The following NIBAN1 variants were observed in gnomAD, a reference collection of about 807,000 sequenced individuals.
The protein encoded by NIBAN1 is niban apoptosis regulator 1.
A neutral mutation model predicts 75.1 loss-of-function variants in NIBAN1; 81 were observed. That is an observed-to-expected ratio of 1.08 (90% CI 0.90 to 1.30). NIBAN1 has a LOEUF of 1.30. Among genes scored for constraint, NIBAN1 ranks in the 50% most tolerant of loss-of-function variants. NIBAN1 has a pLI of 0.00. For synonymous variants in NIBAN1, 436 were observed against 424.8 expected (o/e 1.03, Z -0.32); for missense variants, 1,133 against 1,128.1 (o/e 1.00, Z -0.06).
intron 3 of NIBAN1, among the ~76,000 whole-genome samples, chr1:184,893,811 C>T (rs1030530187): frequency 1.3e-5 from 2 of 152,208 alleles, no homozygotes; most frequent in Admixed American, 6.5e-5. Flanking sequence ...TGCCACTAGA[C>T]GGCAAGCATC....
chr1:184,864,555 T>C (rs1391987298), intron 5 of NIBAN1, among the ~76,000 whole-genome samples: 2 of 152,108 alleles, frequency 1.3e-5, no homozygotes, highest in Non-Finnish European at 2.9e-5. Context: ...GGTGAAGAAA[T>C]GTTGTTTGGG....
At chr1:184,830,998 C>CAAA (rs34893558) in intron 6 of NIBAN1, among the ~76,000 whole-genome samples, 90,760 of 145,988 alleles carry the variant, frequency 0.62, 29,834 homozygotes, top group Middle Eastern at 0.8. Flanking sequence ...AGACTCCTCT[C>CAAA]AAAAAAAAAA....
chr1:184,794,952 A>G lies in NIBAN1; in HGVS notation c.*25T>C. ...TATAACCCTTTGGCTTTTTTCAGAGAAAGACTTCAGCCAAATTGTCCCTTT... is the reference window on the plus strand; with the variant it reads ...TATAACCCTTTGGCTTTTTTCAGAGGAAGACTTCAGCCAAATTGTCCCTTT... On this transcript the variant is annotated 3_prime_UTR_variant, in exon 14 of 14. Coordinates refer to ENST00000367511, the MANE Select transcript of NIBAN1 (RefSeq NM_052966.4). 6.2e-7 allele frequency: 1 copy of G among 1,604,246 alleles called. No homozygotes were observed. The highest frequency in any genetic ancestry group is 1.1e-5 in the South Asian group (1 of 91,088).
intron 1 of NIBAN1, among the ~76,000 whole-genome samples, chr1:184,965,330 A>G (rs1217717761): frequency 6.6e-6 from 1 of 151,862 alleles, no homozygotes. Context: ...ACACACCACC[A>G]CCTATAGTCT....
intron 9 of NIBAN1, among the ~76,000 whole-genome samples, chr1:184,812,237 A>G (rs1360290462): frequency 6.6e-6 from 1 of 152,212 alleles, no homozygotes; most frequent in Non-Finnish European, 1.5e-5. Context: ...CGGAGGTTTG[A>G]TTAAAGATGA....
rs889130715 is a variant in NIBAN1 at position 184,860,442 on chromosome 1, GA to G, written c.601+24190del. Among the ~76,000 whole-genome samples the G allele has an allele frequency of 2.6e-4, 39 of 152,098 alleles. 1 individual carries two copies. The highest frequency in any genetic ancestry group is 2.0e-3 in the Admixed American group (31 of 15,284). On this transcript the variant is annotated intron_variant, in intron 5 of 13. Transcript: ENST00000367511. ...GCTTTTATTTATCCTCAGACATTGT[GA>G]AAAAAATTGTTCTATTAGGATAAAA... is the stretch of plus-strand genomic sequence containing the variant.
At chr1:184,819,218 C>T (rs1368880069) in intron 8 of NIBAN1, among the ~76,000 whole-genome samples, 1 of 152,116 alleles carries the variant, frequency 6.6e-6, no homozygotes, top group East Asian at 1.9e-4. Context: ...TAATTCATTT[C>T]TCTAGGAGTT....
intron 1 of NIBAN1, among the ~76,000 whole-genome samples, chr1:184,968,794 G>GTTTC (rs36197487): frequency 1.3e-5 from 2 of 151,160 alleles, no homozygotes; most frequent in South Asian, 4.2e-4. Flanking sequence ...AGAGATGGAA[G>GTTTC]TTTCTTTCTT....
At chr1:184,941,902 C>T (rs950122372) in intron 1 of NIBAN1, among the ~76,000 whole-genome samples, 1 of 152,282 alleles carries the variant, frequency 6.6e-6, no homozygotes, top group South Asian at 2.1e-4. Flanking sequence ...AGATCAGCTG[C>T]TCAGACAGAG....
intron 9 of NIBAN1, among the ~76,000 whole-genome samples, chr1:184,816,545 G>A (rs1654541036): frequency 6.6e-6 from 1 of 152,174 alleles, no homozygotes; most frequent in African/African-American, 2.4e-5. Flanking sequence ...CTAAGCTCAT[G>A]CACTAGGCCC....
chr1:184,802,334 T>C lies in NIBAN1; in HGVS notation c.1554+1251A>G, dbSNP rs189638337. ...GAGGGGAGCCGATGAGAAGGAGAAC[T>C]CTCCTTACCTTTCTCCTGAGAGAAG... On this transcript the variant is annotated intron_variant, in intron 12 of 13. Transcript: ENST00000367511. 4.7e-3 allele frequency among the ~76,000 whole-genome samples: 712 copies of C among 152,018 alleles called. 8 individuals are homozygous for C. Among genetic ancestry groups the C allele is most frequent in the African/African-American group, 0.016 (682 of 41,448 alleles).
chr1:184,962,165 T>C (rs1658667782), intron 1 of NIBAN1, among the ~76,000 whole-genome samples: 1 of 152,372 alleles, frequency 6.6e-6, no homozygotes, highest in South Asian at 2.1e-4. Flanking sequence ...AATGATTATA[T>C]GGTTTAATGT....
At chr1:184,946,947 C>A (rs1658240208) in intron 1 of NIBAN1, among the ~76,000 whole-genome samples, 1 of 151,994 alleles carries the variant, frequency 6.6e-6, no homozygotes, top group Admixed American at 6.6e-5. Context: ...GTGGTGCATG[C>A]CTATAATCCC....
chr1:184,871,613 CA>C (rs1656112504), intron 5 of NIBAN1, among the ~76,000 whole-genome samples: 1 of 152,102 alleles, frequency 6.6e-6, no homozygotes, highest in Non-Finnish European at 1.5e-5. Flanking sequence ...CAAACTAATA[CA>C]AAACCCAAAA....
At chr1:184,890,734 T>C (rs924703211) in intron 3 of NIBAN1, among the ~76,000 whole-genome samples, 2 of 152,228 alleles carry the variant, frequency 1.3e-5, no homozygotes, top group African/African-American at 2.4e-5. Flanking sequence ...TATGCCACTA[T>C]TTTGCCCTCA....
intron 8 of NIBAN1, among the ~76,000 whole-genome samples, chr1:184,819,750 G>A (rs1295724735): frequency 6.6e-6 from 1 of 152,168 alleles, no homozygotes; most frequent in Non-Finnish European, 1.5e-5. Flanking sequence ...AAGCACAAGT[G>A]GAGCTGGTAT....
chr1:184,801,307 A>G (rs1386693879), intron 12 of NIBAN1, among the ~76,000 whole-genome samples: 1 of 152,164 alleles, frequency 6.6e-6, no homozygotes, highest in Non-Finnish European at 1.5e-5. Flanking sequence ...AAGGCAAAGG[A>G]TTGAAGAGAC....
At chr1:184,870,655 C>T (rs1656082928) in intron 5 of NIBAN1, among the ~76,000 whole-genome samples, 1 of 152,182 alleles carries the variant, frequency 6.6e-6, no homozygotes, top group South Asian at 2.1e-4. Context: ...TGAATGGTTG[C>T]TCCAAAGATG....
intron 5 of NIBAN1, among the ~76,000 whole-genome samples, chr1:184,878,015 C>G (rs753216345): frequency 6.6e-6 from 1 of 151,902 alleles, no homozygotes; most frequent in Non-Finnish European, 1.5e-5. Flanking sequence ...AATTTTTAGA[C>G]CTTCATACCA....
Sources: gnomAD v4.1 joint callset for allele counts (sites outside exome capture counted in the v4.1 genomes callset) on GRCh38, gnomAD v4.1.1 for gene constraint, MANE v1.5 for transcripts, NCBI Gene and HGNC (gene_info 2026-07-23, HGNC 2026-07-21) for gene names.